Variants in MAF observed in about 807,000 individuals in gnomAD.
The protein encoded by MAF is transcription factor Maf.
In MAF, 10 loss-of-function variants were observed where a neutral mutation model predicts 22.0. The ratio of observed to expected loss-of-function variants is 0.45; its 90% CI spans 0.28 to 0.77. The LOEUF (loss-of-function observed/expected upper bound fraction) is 0.77, where lower values mean the gene tolerates loss of function less well. MAF is among the 30% of genes least tolerant of loss of function. The pLI is 0.12. For missense variants in MAF, 544 were observed against 548.4 expected, an observed-to-expected ratio of 0.99 and a Z score of 0.08; for synonymous variants, 337 against 255.8, an observed-to-expected ratio of 1.32 and a Z score of -3.03.
At chr16:79,473,921 G>C in the MAF span, among the ~76,000 whole-genome samples, 1 of 152,160 alleles carries the variant, frequency 6.6e-6, no homozygotes, top group African/African-American at 2.4e-5. Context: ...ACGTCTCCAG[G>C]CTCAAGGGAT....
chr16:79,530,485 G>C, the MAF span, among the ~76,000 whole-genome samples: 1 of 152,132 alleles, frequency 6.6e-6, no homozygotes, highest in Non-Finnish European at 1.5e-5. Context: ...TTTGGAAAAT[G>C]TATGTGGAAC....
the MAF span, among the ~76,000 whole-genome samples, chr16:79,579,671 C>T: frequency 4.6e-5 from 7 of 152,258 alleles, no homozygotes; most frequent in South Asian, 2.1e-4. Context: ...ATGCATTCTC[C>T]GAATAACTGC....
At chr16:79,237,682 G>A in the MAF span, among the ~76,000 whole-genome samples, 1 of 152,128 alleles carries the variant, frequency 6.6e-6, no homozygotes, top group Non-Finnish European at 1.5e-5. Flanking sequence ...CTCAGCTCCT[G>A]CACTGTTGGC....
At chr16:79,208,553 C>G in the MAF span, among the ~76,000 whole-genome samples, 1 of 152,042 alleles carries the variant, frequency 6.6e-6, no homozygotes. Flanking sequence ...GCTCTTTCAT[C>G]TTTTCTGCAT....
chr16:79,407,264 C>T, the MAF span, among the ~76,000 whole-genome samples: 4 of 152,124 alleles, frequency 2.6e-5, no homozygotes, highest in Admixed American at 6.5e-5. Flanking sequence ...CACCTCCAGA[C>T]GGGGGACAGG....
chr16:79,506,935 G>C, the MAF span, among the ~76,000 whole-genome samples: 1 of 152,304 alleles, frequency 6.6e-6, no homozygotes, highest in African/African-American at 2.4e-5. Flanking sequence ...ACTGGACTTA[G>C]AGGGGTGTAT....
At chr16:79,373,593 G>T in the MAF span, among the ~76,000 whole-genome samples, 28 of 151,726 alleles carry the variant, frequency 1.8e-4, 1 homozygote, top group African/African-American at 4.8e-5. Context: ...ATGTTGGCTA[G>T]GCTGGTCTCA....
At chr16:79,270,778 C>G in the MAF span, among the ~76,000 whole-genome samples, 1 of 152,152 alleles carries the variant, frequency 6.6e-6, no homozygotes. Flanking sequence ...TCACTGAGTG[C>G]GTCTAAGCAG....
At chr16:79,552,881 T>C in the MAF span, among the ~76,000 whole-genome samples, 6 of 152,196 alleles carry the variant, frequency 3.9e-5, no homozygotes, top group South Asian at 2.1e-4. Flanking sequence ...TCTAATGCCA[T>C]TGCAATCCCA....
At chr16:79,573,542 A>T in the MAF span, among the ~76,000 whole-genome samples, 2 of 152,226 alleles carry the variant, frequency 1.3e-5, no homozygotes, top group African/African-American at 2.4e-5. Context: ...TAACTGTCTT[A>T]ATCAATAATA....
chr16:79,491,559 T>A, the MAF span, among the ~76,000 whole-genome samples: 1 of 152,042 alleles, frequency 6.6e-6, no homozygotes, highest in African/African-American at 2.4e-5. Context: ...AACCTTGGTT[T>A]CTAAGTCCTG....
At chr16:79,208,381 C>CAA in the MAF span, among the ~76,000 whole-genome samples, 834 of 149,108 alleles carry the variant, frequency 5.6e-3, 8 homozygotes, top group East Asian at 0.044. Flanking sequence ...GATTGATTCT[C>CAA]AAAAAAAAAA....
At chr16:79,399,353 C>T in the MAF span, among the ~76,000 whole-genome samples, 1 of 152,132 alleles carries the variant, frequency 6.6e-6, no homozygotes, top group African/African-American at 2.4e-5. Flanking sequence ...ATCATCATCA[C>T]ATGTCTTGAA....
chr16:79,232,875 C>T, the MAF span, among the ~76,000 whole-genome samples: 9,119 of 139,122 alleles, frequency 0.066, 412 homozygotes, highest in African/African-American at 0.12. Flanking sequence ...GAGTCTCACT[C>T]TGTCGCCCAG....
chr16:79,411,148 A>AT, the MAF span, among the ~76,000 whole-genome samples: 1 of 151,820 alleles, frequency 6.6e-6, no homozygotes, highest in East Asian at 1.9e-4. Flanking sequence ...TATTCAGGTG[A>AT]TTTTCCATAA....
chr16:79,255,219 G>T, the MAF span, among the ~76,000 whole-genome samples: 4 of 152,168 alleles, frequency 2.6e-5, no homozygotes, highest in Admixed American at 1.3e-4. Context: ...AAAAAGCTTT[G>T]GTTAACTTCA....
chr16:79,409,688 G>T, the MAF span, among the ~76,000 whole-genome samples: 17 of 152,172 alleles, frequency 1.1e-4, no homozygotes, highest in Non-Finnish European at 2.5e-4. Flanking sequence ...TTGCCCAGAG[G>T]GTTGGCTGCA....
At chr16:79,428,424 G>A in the MAF span, among the ~76,000 whole-genome samples, 2 of 152,212 alleles carry the variant, frequency 1.3e-5, no homozygotes, top group East Asian at 3.9e-4. Flanking sequence ...TGTTGCACGG[G>A]ACGTGGTGTC....
the MAF span, among the ~76,000 whole-genome samples, chr16:79,428,993 G>A: frequency 5.9e-5 from 9 of 152,090 alleles, no homozygotes; most frequent in East Asian, 7.7e-4. Flanking sequence ...TGAATAAGTC[G>A]CTCTGGAAAT....
Sources: gnomAD v4.1 joint callset for allele counts (sites outside exome capture counted in the v4.1 genomes callset) on GRCh38, gnomAD v4.1.1 for gene constraint, MANE v1.5 for transcripts, NCBI Gene and HGNC (gene_info 2026-07-23, HGNC 2026-07-21) for gene names.